The following DAB1 variants were observed in gnomAD, a reference collection of about 807,000 sequenced individuals.
DAB1 encodes DAB adaptor protein 1.
Under a neutral mutation model 64.6 loss-of-function variants are expected in DAB1, and 15 were observed. The observed-to-expected ratio is 0.23, with a 90% CI of 0.16 to 0.36. DAB1 has a LOEUF of 0.36. Among genes scored for constraint, DAB1 ranks in the 10% least tolerant of loss-of-function variants. The pLI, the probability that DAB1 is intolerant of heterozygous loss-of-function variation, is 1.00. For synonymous variants in DAB1, 235 were observed against 251.9 expected (o/e 0.93, Z 0.64); for missense variants, 596 against 706.7 (o/e 0.84, Z 1.78).
chr1:57,044,606 A>C (rs1266519950), intron 9 of DAB1, among the ~76,000 whole-genome samples: 2 of 152,220 alleles, frequency 1.3e-5, no homozygotes, highest in Admixed American at 1.3e-4. Flanking sequence ...GGCATAGTTA[A>C]GGAGATCTTA....
At chr1:57,146,288 A>C (rs1396850585) in intron 2 of DAB1, among the ~76,000 whole-genome samples, 1 of 152,264 alleles carries the variant, frequency 6.6e-6, no homozygotes, top group Non-Finnish European at 1.5e-5. Context: ...GTCTGAAATA[A>C]GATGAATACA....
chr1:58,288,285 G>A (rs944704564), intron 4 of DAB1, among the ~76,000 whole-genome samples: 1 of 152,120 alleles, frequency 6.6e-6, no homozygotes, highest in African/African-American at 2.4e-5. Flanking sequence ...TGACGTAAAT[G>A]TGTTTTCCAA....
At chr1:57,680,138 CT>C (rs1333923543) in intron 6 of DAB1, among the ~76,000 whole-genome samples, 1 of 152,116 alleles carries the variant, frequency 6.6e-6, no homozygotes, top group Non-Finnish European at 1.5e-5. Flanking sequence ...GAAAACAGCA[CT>C]AGGTGGCAGC....
intron 3 of DAB1, among the ~76,000 whole-genome samples, chr1:58,446,045 G>T (rs906180187): frequency 2.6e-4 from 40 of 152,102 alleles, no homozygotes; most frequent in African/African-American, 9.2e-4. Context: ...GGACATCCCC[G>T]GTCCCGGACA....
At chr1:58,468,996 C>T (rs1408754579) in intron 3 of DAB1, 1 of 244,102 alleles carries the variant, frequency 4.1e-6, no homozygotes, top group Non-Finnish European at 6.6e-6. Context: ...TTCATTTATT[C>T]ATCCTCCGTC....
chr1:58,041,626 G>A (rs1022712558), intron 5 of DAB1, among the ~76,000 whole-genome samples: 6 of 152,180 alleles, frequency 3.9e-5, no homozygotes, highest in African/African-American at 1.4e-4. Context: ...GAGATTCCAA[G>A]TCAGTCTGGC....
chr1:57,191,593 A>G (rs1664126138), intron 2 of DAB1, among the ~76,000 whole-genome samples: 1 of 152,148 alleles, frequency 6.6e-6, no homozygotes, highest in Non-Finnish European at 1.5e-5. Context: ...AAAGTTTAAC[A>G]GTGTTCTACA....
chr1:58,096,940 T>C (rs1174241574), intron 5 of DAB1, among the ~76,000 whole-genome samples: 2 of 152,158 alleles, frequency 1.3e-5, no homozygotes, highest in Non-Finnish European at 2.9e-5. Flanking sequence ...CCTGGTATAG[T>C]AAGTATTGCC....
chr1:57,358,198 G>T (rs1343109021), intron 1 of DAB1, among the ~76,000 whole-genome samples: 1 of 151,990 alleles, frequency 6.6e-6, no homozygotes, highest in Non-Finnish European at 1.5e-5. Context: ...GAACAGAAGT[G>T]GTGAAAGTGG....
chr1:58,232,448 G>A (rs978810921), intron 4 of DAB1, among the ~76,000 whole-genome samples: 3 of 150,624 alleles, frequency 2.0e-5, no homozygotes, highest in Non-Finnish European at 4.4e-5. Context: ...CCCCAAATGT[G>A]GTCAGGATGG....
intron 1 of DAB1, among the ~76,000 whole-genome samples, chr1:57,827,962 C>G (rs1043694785): frequency 6.6e-6 from 1 of 152,074 alleles, no homozygotes; most frequent in African/African-American, 2.4e-5. Flanking sequence ...GTTTTTGTTT[C>G]TGAGATGGAG....
At chr1:57,075,108 T>G (rs889824671) in intron 4 of DAB1, among the ~76,000 whole-genome samples, 5 of 152,194 alleles carry the variant, frequency 3.3e-5, no homozygotes, top group African/African-American at 1.2e-4. Context: ...CGTTTCCTAT[T>G]AAATCAAAGT....
At chr1:57,155,840 T>C (rs1285314696) in intron 2 of DAB1, among the ~76,000 whole-genome samples, 1 of 151,930 alleles carries the variant, frequency 6.6e-6, no homozygotes, top group Non-Finnish European at 1.5e-5. Flanking sequence ...TATTAGCATA[T>C]AGAAATGCTA....
chr1:57,799,420 T>C (rs1273122599), intron 6 of DAB1, among the ~76,000 whole-genome samples: 1 of 152,086 alleles, frequency 6.6e-6, no homozygotes, highest in Non-Finnish European at 1.5e-5. Context: ...TCGCTGGGAA[T>C]GTGACATAAA....
intron 3 of DAB1, among the ~76,000 whole-genome samples, chr1:58,410,845 C>T (rs1434737739): frequency 6.6e-6 from 1 of 152,226 alleles, no homozygotes; most frequent in Admixed American, 6.5e-5. Context: ...CACCAATAGA[C>T]TGTGGTGGTA....
intron 2 of DAB1, among the ~76,000 whole-genome samples, chr1:58,514,987 G>T (rs1185799173): frequency 6.6e-6 from 1 of 152,054 alleles, no homozygotes; most frequent in Non-Finnish European, 1.5e-5. Flanking sequence ...AATACACTCA[G>T]GACAGTGCCC....
intron 14 of DAB1, among the ~76,000 whole-genome samples, chr1:57,000,354 A>G (rs537577305): frequency 4.5e-4 from 69 of 152,166 alleles, no homozygotes; most frequent in Non-Finnish European, 6.9e-4. Context: ...TCCTTCTGCC[A>G]TTTTACAAAT....
At chr1:57,538,487 C>T (rs747771526) in intron 7 of DAB1, among the ~76,000 whole-genome samples, 20 of 152,154 alleles carry the variant, frequency 1.3e-4, no homozygotes, top group Admixed American at 3.9e-4. Flanking sequence ...AGTGCTCTCT[C>T]GGTTTATCAT....
At chr1:57,625,769 A>G (rs996579716) in intron 7 of DAB1, among the ~76,000 whole-genome samples, 2 of 152,112 alleles carry the variant, frequency 1.3e-5, no homozygotes, top group African/African-American at 4.8e-5. Context: ...AGAAGGAGAG[A>G]GTGAAGACCG....
Sources: allele counts gnomAD v4.1 joint callset (sites outside exome capture counted in the v4.1 genomes callset), GRCh38; gene constraint gnomAD v4.1.1; transcripts MANE v1.5; gene names NCBI Gene and HGNC (gene_info 2026-07-23, HGNC 2026-07-21).